The following LIMD1 variants were observed in gnomAD, a reference collection of about 807,000 sequenced individuals.
LIMD1 encodes LIM domain-containing protein 1.
Under a neutral mutation model 58.4 loss-of-function variants are expected in LIMD1, and 23 were observed. The ratio of observed to expected loss-of-function variants is 0.39; its 90% CI spans 0.28 to 0.56. LIMD1 has a LOEUF of 0.56. Ranked by LOEUF, LIMD1 falls within the 20% of genes least tolerant of loss-of-function variation. The probability of loss-of-function intolerance (pLI) is 0.57; values close to 1 mark genes in which losing one functional copy is unlikely to be tolerated. For synonymous variants in LIMD1, 334 were observed against 345.5 expected, an observed-to-expected ratio of 0.97 and a Z score of 0.37; for missense variants, 838 against 855.5, an observed-to-expected ratio of 0.98 and a Z score of 0.25.
intron 7 of LIMD1, 41 bp from the exon 8 acceptor site, chr3:45,676,881 G>C: frequency 6.2e-7 from 1 of 1,610,166 alleles, no homozygotes; most frequent in Non-Finnish European, 8.5e-7. Flanking sequence ...CTTGCAGTCT[G>C]TTTTGTTTTG....
intron 2 of LIMD1, among the ~76,000 whole-genome samples, chr3:45,660,857 C>T (rs1455227397): frequency 6.6e-6 from 1 of 152,208 alleles, no homozygotes; most frequent in African/African-American, 2.4e-5. Context: ...TTTTCTAAAA[C>T]TTCGAGTTCT....
At chr3:45,604,880 T>C (rs1444153875) in intron 1 of LIMD1, among the ~76,000 whole-genome samples, 1 of 152,228 alleles carries the variant, frequency 6.6e-6, no homozygotes, top group Non-Finnish European at 1.5e-5. Context: ...AAAGAATGTC[T>C]TGTTTCTTCC....
intron 2 of LIMD1, among the ~76,000 whole-genome samples, chr3:45,660,800 G>A (rs1038661154): frequency 1.3e-5 from 2 of 152,146 alleles, no homozygotes; most frequent in Non-Finnish European, 2.9e-5. Context: ...GTAGGTGTCC[G>A]ACGTGGGAAA....
Position 45,674,362 on chromosome 3 carries a change from G to C in LIMD1, c.1844G>C (p.Arg615Pro). 6.2e-7 allele frequency: 1 copy of C among 1,613,752 alleles called. No homozygotes were observed. Residue 615 changes from arginine (R) to proline (P), a missense_variant, in exon 7 of 8, where the codon CGT becomes CCT. Arg to Pro is a moderately radical substitution (Grantham distance 103, BLOSUM62 -2). This residue lies in a region of LIMD1 where 174 missense variants were observed against 197.4 expected (regional missense o/e 0.88). Transcript: ENST00000273317. The part of the protein sequence containing the change: ...LPPEGSDETI[R>P]VVSMDRDYHV... ...TCCCAGGGCTCAGATGAGACCATCC[G>C]TGTCGTGTCCATGGACAGAGACTAC...
rs200842299 is a variant in LIMD1, at chr3:45,668,392, A to G, written c.1641+36A>G. 28 of 1,467,452 alleles carry G rather than the reference A, an allele frequency of 1.9e-5. No homozygotes were observed. In the East Asian group the frequency reaches 6.4e-4, roughly 33 times the overall value. 90.9% of individuals were successfully genotyped at this position (1,467,452 alleles called of 1,614,324 possible). The stretch of plus-strand genomic sequence containing the variant: ...CAGCCAAAGAAGAGAACAGCATCTC[A>G]GGTGGAGGAGGAGGTGTTCAGAGAA... On this transcript the variant is annotated intron_variant, in intron 4 of 7. Coordinates refer to ENST00000273317, the MANE Select transcript of LIMD1 (RefSeq NM_014240.3).
rs1372695966 is a variant in LIMD1, at chr3:45,686,128, C to T, written c.*9069C>T. 1.3e-5 allele frequency: 2 copies of T among 152,214 alleles called. No homozygotes were observed. Among genetic ancestry groups the T allele is most frequent in the East Asian group, 3.8e-4 (2 of 5,198 alleles). The allele number at this position is 152,214 out of a possible 1,614,324, so 9.4% of individuals were successfully genotyped here. A position where few individuals can be genotyped will look rare whatever the true frequency, so the allele number is the denominator to read the frequency against. On this transcript the variant is annotated 3_prime_UTR_variant, in exon 8 of 8. Transcript: ENST00000273317. ...TCACCTTGTAATAGTCTTAAAGCCC[C>T]TGCACCTGGAACTGTTTACTTTCCT...
intron 2 of LIMD1, among the ~76,000 whole-genome samples, chr3:45,648,292 C>A (rs1266102926): frequency 7.9e-5 from 12 of 152,210 alleles, no homozygotes; most frequent in African/African-American, 1.2e-4. Context: ...ATCTTCCTAT[C>A]CCTATAGATT....
chr3:45,596,391 T>C, intron 1 of LIMD1, 104 bp downstream of exon 1: 1 of 861,964 alleles, frequency 1.2e-6, no homozygotes. Flanking sequence ...GTTACCTCTC[T>C]TTGAGTGGCC....
At chr3:45,644,137 T>C (rs1231187647) in intron 2 of LIMD1, among the ~76,000 whole-genome samples, 1 of 152,172 alleles carries the variant, frequency 6.6e-6, no homozygotes, top group East Asian at 1.9e-4. Flanking sequence ...TTTTGTTACT[T>C]GAGATAAATA....
intron 1 of LIMD1, among the ~76,000 whole-genome samples, chr3:45,611,616 G>A (rs1701522834): frequency 6.6e-6 from 1 of 152,224 alleles, no homozygotes; most frequent in African/African-American, 2.4e-5. Context: ...ATCCCTCTGT[G>A]TAGGCTATGG....
chr3:45,673,969 A>G (rs1440757231), intron 6 of LIMD1: 8 of 273,716 alleles, frequency 2.9e-5, no homozygotes, highest in African/African-American at 1.5e-4. Context: ...GGCTTCCCCA[A>G]CCCAGTACCC....
Position 45,594,928 on chromosome 3 carries a change from G to A in LIMD1, c.49G>A (p.Asp17Asn). Residue 17 changes from aspartate to asparagine, a missense_variant, in exon 1 of 8, where the codon GAC (aspartate) becomes AAC (asparagine). Coordinates refer to ENST00000273317, the MANE Select transcript of LIMD1 (RefSeq NM_014240.3). ...CCTGGAGGCCAGTAAATTCATCGAG[G>A]ACCTGAACATGTATGAGGCCTCTAA... is the stretch of plus-strand genomic sequence containing the variant. ...LGLEASKFIE[D>N]LNMYEASKDG... 1 of 1,613,080 alleles carries A rather than the reference G, an allele frequency of 6.2e-7. No homozygotes were observed.
rs1310813009 is a variant in LIMD1 at position 45,682,282 on chromosome 3, C to A, written c.*5223C>A. 6.6e-6 allele frequency: 1 copy of A among 152,176 alleles called. No homozygotes were observed. Among genetic ancestry groups the A allele is most frequent in the Non-Finnish European group, 1.5e-5 (1 of 68,052 alleles). 9.4% of individuals were successfully genotyped at this position (152,176 alleles called of 1,614,324 possible). A position where few individuals can be genotyped will look rare whatever the true frequency, so the allele number is the denominator to read the frequency against. On this transcript the variant is annotated 3_prime_UTR_variant, in exon 8 of 8. Coordinates refer to ENST00000273317, the MANE Select transcript of LIMD1 (RefSeq NM_014240.3). ...GTGAAGATGCAATCAGGGTAAAAGGCGGTCTGGAGTTGTGGTGTGCTGGCA... is the reference window on the plus strand; with the variant it reads ...GTGAAGATGCAATCAGGGTAAAAGGAGGTCTGGAGTTGTGGTGTGCTGGCA...
Position 45,595,676 on chromosome 3 carries a change from C to T in LIMD1, c.797C>T (p.Ala266Val). 6.2e-7 allele frequency: 1 copy of T among 1,614,182 alleles called. No homozygotes were observed. The highest frequency in any genetic ancestry group is 8.5e-7 in the Non-Finnish European group (1 of 1,180,034). Residue 266 changes from alanine (A) to valine (V), a missense_variant, in exon 1 of 8, where the codon GCC becomes GTC. Physicochemically the swap from Ala to Val is moderately conservative, Grantham distance 64 (BLOSUM62 0). This residue lies in a region of LIMD1 where 659 missense variants were observed against 639.8 expected (regional missense o/e 1.03). Coordinates refer to ENST00000273317, the MANE Select transcript of LIMD1 (RefSeq NM_014240.3). ...AAGCCAACAGGCCTTTGGTCCACTG[C>T]CTCCTCCCAGCGGGTGAGCCCTGGC... Reference protein sequence around the residue: ...SEKPTGLWSTASSQRVSPGLP... With the variant: ...SEKPTGLWSTVSSQRVSPGLP...
At chr3:45,635,820 C>CT (rs1372544161) in intron 1 of LIMD1, 2 of 880,454 alleles carry the variant, frequency 2.3e-6, no homozygotes, top group Admixed American at 6.4e-5. Flanking sequence ...ATGGTGCAAT[C>CT]TTTCTGAACT....
At chr3:45,672,475 G>A (rs1697597779) in intron 4 of LIMD1, among the ~76,000 whole-genome samples, 1 of 152,184 alleles carries the variant, frequency 6.6e-6, no homozygotes, top group Non-Finnish European at 1.5e-5. Context: ...GAGGCTGCAG[G>A]AGAAGGATTC....
At position 45,680,584 on chromosome 3, in the gene LIMD1, G is replaced by A. The variant is rs1187255100; in HGVS notation, c.*3525G>A. ...GCCCACTTCCGCCTCCCAAAGTGTT[G>A]GGATTATGGCCATTAGCCACTGTAC... is the stretch of plus-strand genomic sequence containing the variant. On this transcript the variant is annotated 3_prime_UTR_variant, in exon 8 of 8. Coordinates refer to ENST00000273317, the MANE Select transcript of LIMD1 (RefSeq NM_014240.3). 1 of 152,094 alleles carries A rather than the reference G, an allele frequency of 6.6e-6. No homozygotes were observed. The highest frequency in any genetic ancestry group is 1.5e-5 in the Non-Finnish European group (1 of 68,036). The allele number at this position is 152,094 out of a possible 1,614,324, so 9.4% of individuals were successfully genotyped here.
chr3:45,602,918 C>T (rs957730364), intron 1 of LIMD1, among the ~76,000 whole-genome samples: 4 of 151,624 alleles, frequency 2.6e-5, no homozygotes, highest in Admixed American at 6.6e-5. Context: ...TGGCTCACTG[C>T]GGCCACCGCC....
At chr3:45,636,315 G>A in intron 2 of LIMD1, 64 bp downstream of exon 2, 1 of 1,211,032 alleles carries the variant, frequency 8.3e-7, no homozygotes, top group Non-Finnish European at 1.2e-6. Flanking sequence ...ACCGAGAAAG[G>A]GAGGAGAGAG....
Sources: gnomAD v4.1 joint callset for allele counts (sites outside exome capture counted in the v4.1 genomes callset) on GRCh38, gnomAD v4.1.1 for gene constraint, gnomAD v4.1.1 regional missense constraint, MANE v1.5 for transcripts, NCBI Gene and HGNC (gene_info 2026-07-23, HGNC 2026-07-21) for gene names.